The following RANBP2 variants were observed in gnomAD, a reference collection of about 807,000 sequenced individuals.
The protein encoded by RANBP2 is RAN binding protein 2.
A neutral mutation model predicts 303.6 loss-of-function variants in RANBP2; 57 were observed. The observed-to-expected ratio is 0.19, with a 90% CI of 0.15 to 0.23. The LOEUF (loss-of-function observed/expected upper bound fraction) is 0.23. Among genes scored for constraint, RANBP2 ranks in the 10% least tolerant of loss-of-function variants. RANBP2 has a pLI of 1.00. For missense variants in RANBP2, 3,138 were observed against 3,780.8 expected, an observed-to-expected ratio of 0.83 and a Z score of 4.46; for synonymous variants, 1,167 against 1,301.5, an observed-to-expected ratio of 0.90 and a Z score of 2.23.
At chr2:109,601,322 T>C in the RANBP2 span, among the ~76,000 whole-genome samples, 1 of 152,242 alleles carries the variant, frequency 6.6e-6, no homozygotes, top group Non-Finnish European at 1.5e-5. Context: ...TTTAAGGATT[T>C]CAGCAGTTGT....
chr2:109,712,752 T>C, the RANBP2 span, among the ~76,000 whole-genome samples: 1 of 152,206 alleles, frequency 6.6e-6, no homozygotes, highest in African/African-American at 2.4e-5. Flanking sequence ...TATTTTACAA[T>C]GATATTGGCA....
At chr2:109,727,423 G>C in the RANBP2 span, among the ~76,000 whole-genome samples, 2 of 152,162 alleles carry the variant, frequency 1.3e-5, no homozygotes, top group African/African-American at 4.8e-5. Flanking sequence ...AGGTCACCTA[G>C]CTAGTAGTGG....
chr2:108,981,993 C>T, the RANBP2 span, among the ~76,000 whole-genome samples: 1,093 of 152,338 alleles, frequency 7.2e-3, 8 homozygotes, highest in South Asian at 0.028. Context: ...AATGAACAGA[C>T]GGATGCTTCC....
chr2:109,345,680 C>A, the RANBP2 span, among the ~76,000 whole-genome samples: 1 of 152,172 alleles, frequency 6.6e-6, no homozygotes, highest in Non-Finnish European at 1.5e-5. Context: ...TGAAAATACT[C>A]CCCTCATGAA....
At chr2:109,606,082 T>C in the RANBP2 span, among the ~76,000 whole-genome samples, 1 of 152,130 alleles carries the variant, frequency 6.6e-6, no homozygotes, top group Non-Finnish European at 1.5e-5. Context: ...TCCAAAAAAC[T>C]AGAGATAACA....
At chr2:109,618,820 T>A in the RANBP2 span, 2 of 167,050 alleles carry the variant, frequency 1.2e-5, no homozygotes, top group African/African-American at 4.8e-5. Flanking sequence ...ACTTTCATGG[T>A]ATATAAAATG....
chr2:109,705,175 CG>C, the RANBP2 span, among the ~76,000 whole-genome samples: 2 of 151,936 alleles, frequency 1.3e-5, no homozygotes, highest in Non-Finnish European at 2.9e-5. Flanking sequence ...GAGGCTGAGG[CG>C]GGCGGATCCC....
chr2:109,256,789 A>G, the RANBP2 span, among the ~76,000 whole-genome samples: 2 of 152,144 alleles, frequency 1.3e-5, no homozygotes, highest in Non-Finnish European at 2.9e-5. Context: ...GTGAAGTGGG[A>G]TTTTTATTTC....
chr2:108,747,484 G>A (rs1293388959), intron 8 of RANBP2, among the ~76,000 whole-genome samples: 1 of 152,196 alleles, frequency 6.6e-6, no homozygotes, highest in African/African-American at 2.4e-5. Flanking sequence ...TGTATAGTTA[G>A]GCTGTTGGCC....
chr2:108,997,823 G>A, the RANBP2 span, among the ~76,000 whole-genome samples: 13 of 151,322 alleles, frequency 8.6e-5, no homozygotes, highest in South Asian at 1.7e-3. Flanking sequence ...CTCGGAGGGC[G>A]GAGGTTGCAG....
the RANBP2 span, among the ~76,000 whole-genome samples, chr2:109,354,233 A>G: frequency 6.6e-6 from 1 of 152,210 alleles, no homozygotes; most frequent in Non-Finnish European, 1.5e-5. Context: ...TGTGCCGCCA[A>G]CGGATACTGC....
At chr2:109,411,131 GC>G in the RANBP2 span, among the ~76,000 whole-genome samples, 2 of 152,228 alleles carry the variant, frequency 1.3e-5, no homozygotes, top group Non-Finnish European at 2.9e-5. Context: ...GAGGCAAGGA[GC>G]CCTCAAGTCC....
the RANBP2 span, among the ~76,000 whole-genome samples, chr2:109,636,742 A>C: frequency 6.6e-6 from 1 of 152,164 alleles, no homozygotes; most frequent in Non-Finnish European, 1.5e-5. Flanking sequence ...GTTCAAGACC[A>C]GCCTGGCCAA....
chr2:108,974,707 G>T, the RANBP2 span, among the ~76,000 whole-genome samples: 1 of 152,046 alleles, frequency 6.6e-6, no homozygotes, highest in African/African-American at 2.4e-5. Flanking sequence ...TCCACCCTGG[G>T]TGACAGAGCA....
At chr2:109,155,312 T>G in the RANBP2 span, among the ~76,000 whole-genome samples, 2 of 152,206 alleles carry the variant, frequency 1.3e-5, no homozygotes, top group Admixed American at 6.5e-5. Flanking sequence ...TGTTTTGTTT[T>G]GTTTTAGAGA....
chr2:109,319,495 G>A, the RANBP2 span, among the ~76,000 whole-genome samples: 1 of 152,148 alleles, frequency 6.6e-6, no homozygotes, highest in South Asian at 2.1e-4. Context: ...GGGTAGTGAC[G>A]GTGGTCAAGA....
At chr2:109,723,615 G>A in the RANBP2 span, among the ~76,000 whole-genome samples, 6 of 151,604 alleles carry the variant, frequency 4.0e-5, no homozygotes, top group Non-Finnish European at 5.9e-5. Flanking sequence ...TTTTAATGGG[G>A]TTTTTTTTCC....
the RANBP2 span, among the ~76,000 whole-genome samples, chr2:109,696,489 T>A: frequency 1.3e-5 from 2 of 152,228 alleles, no homozygotes; most frequent in South Asian, 4.1e-4. Context: ...ATTTCTGGAA[T>A]CTGTTCTGTT....
the RANBP2 span, among the ~76,000 whole-genome samples, chr2:108,998,522 T>C: frequency 1.3e-5 from 2 of 152,190 alleles, no homozygotes; most frequent in African/African-American, 4.8e-5. Context: ...CCACCACTAA[T>C]CCTCCTAAGG....
Sources: allele counts gnomAD v4.1 joint callset (sites outside exome capture counted in the v4.1 genomes callset), GRCh38; gene constraint gnomAD v4.1.1; transcripts MANE v1.5; gene names NCBI Gene and HGNC (gene_info 2026-07-23, HGNC 2026-07-21).